The following RYR2 variants were observed in gnomAD, a reference collection of about 807,000 sequenced individuals.
RYR2 encodes the protein ryanodine receptor 2.
Under a neutral mutation model 601.1 loss-of-function variants are expected in RYR2, and 227 were observed. That is an observed-to-expected ratio of 0.38 (90% CI 0.34 to 0.42). The LOEUF (loss-of-function observed/expected upper bound fraction) is 0.42, where lower values mean the gene tolerates loss of function less well. Ranked by LOEUF, RYR2 falls within the 10% of genes least tolerant of loss-of-function variation. The probability of loss-of-function intolerance (pLI) is 1.00; values close to 1 mark genes in which losing one functional copy is unlikely to be tolerated. For missense variants in RYR2, 4,646 were observed against 6,156.5 expected (o/e 0.75, Z 8.21); for synonymous variants, 2,223 against 2,175.1 (o/e 1.02, Z -0.61).
Position 237,660,440 on chromosome 1 carries a change from T to G in RYR2, c.8298+366T>G, listed in dbSNP as rs567841832. Among the ~76,000 whole-genome samples, 9 of 152,270 alleles carry G rather than the reference T, an allele frequency of 5.9e-5. 1 individual carries two copies. In the South Asian group the frequency reaches 1.9e-3, roughly 32 times the overall value. On this transcript the variant is annotated intron_variant, in intron 55 of 104. Coordinates refer to ENST00000366574, the MANE Select transcript of RYR2 (RefSeq NM_001035.3). ...ATGTATAGATTTTCATATATTTTAC[T>G]TCTTTGGGAAAGAAATGAGTATCTT...
rs549693114 is a variant in RYR2 at position 237,631,773 on chromosome 1, G to A, written c.6555+232G>A. ...CTCCCGAGGAGCTGGGATTAGAGGC[G>A]CCCGCCACCTCGCCCGGCTAATTTT... is the stretch of plus-strand genomic sequence containing the variant. On this transcript the variant is annotated intron_variant, in intron 42 of 104. Coordinates refer to ENST00000366574, the MANE Select transcript of RYR2 (RefSeq NM_001035.3). Among the ~76,000 whole-genome samples the A allele has an allele frequency of 8.6e-5, 13 of 151,426 alleles. No individual in the cohort carries two copies. The South Asian group carries it at 1.0e-3, about 12-fold the overall frequency.
At chr1:237,598,879 A>T (rs1243133289) in intron 34 of RYR2, among the ~76,000 whole-genome samples, 3 of 152,154 alleles carry the variant, frequency 2.0e-5, no homozygotes, top group Admixed American at 1.3e-4. Context: ...GAAAAGACAA[A>T]ATCAGTAAAC....
At chr1:237,702,652 A>C (rs1323518500) in intron 66 of RYR2, among the ~76,000 whole-genome samples, 1 of 152,104 alleles carries the variant, frequency 6.6e-6, no homozygotes, top group African/African-American at 2.4e-5. Context: ...CCCAAAATTA[A>C]CCTGTAATTA....
intron 4 of RYR2, among the ~76,000 whole-genome samples, chr1:237,357,008 GC>G: frequency 6.6e-6 from 1 of 151,914 alleles, no homozygotes; most frequent in African/African-American, 2.4e-5. Context: ...TCTTTTCAGT[GC>G]CCTTTCAGTA....
intron 81 of RYR2, among the ~76,000 whole-genome samples, chr1:237,757,390 A>C (rs552142369): frequency 6.6e-6 from 1 of 152,314 alleles, no homozygotes; most frequent in Non-Finnish European, 1.5e-5. Flanking sequence ...ACACATAATT[A>C]ATCTTGAATC....
At chr1:237,687,401 TTCTACC>T in intron 62 of RYR2, 48 bp from the exon 63 acceptor site, 2 of 962,852 alleles carry the variant, frequency 2.1e-6, no homozygotes, top group Non-Finnish European at 1.6e-6. Flanking sequence ...CCCCTGTCTT[TTCTACC>T]TTCCCTTCCC....
At chr1:237,203,821 C>T (rs1681468207) in intron 1 of RYR2, among the ~76,000 whole-genome samples, 1 of 152,190 alleles carries the variant, frequency 6.6e-6, no homozygotes. Context: ...TCTCCATCCT[C>T]CTAGAACGTT....
At chr1:237,066,528 T>C (rs751935812) in intron 1 of RYR2, among the ~76,000 whole-genome samples, 10 of 152,254 alleles carry the variant, frequency 6.6e-5, no homozygotes, top group Non-Finnish European at 1.2e-4. Flanking sequence ...TTTTTAAATT[T>C]TAGCTGTTCT....
rs191365605 is a variant in RYR2 at position 237,261,357 on chromosome 1, A to G, written c.49-9140A>G. On this transcript the variant is annotated intron_variant, in intron 1 of 104. Coordinates refer to ENST00000366574, the MANE Select transcript of RYR2 (RefSeq NM_001035.3). The stretch of plus-strand genomic sequence containing the variant: ...CCCCAGTAAAATCCAAAGGTCTTAC[A>G]CTGACATCAAGGCTTTCCATGGTCT... 2.6e-3 allele frequency among the ~76,000 whole-genome samples: 392 copies of G among 152,314 alleles called. 4 individuals are homozygous for G. The highest frequency in any genetic ancestry group is 4.4e-3 in the Non-Finnish European group (300 of 68,028).
chr1:237,300,548 C>G (rs1693248328), intron 2 of RYR2, among the ~76,000 whole-genome samples: 1 of 152,164 alleles, frequency 6.6e-6, no homozygotes, highest in Non-Finnish European at 1.5e-5. Flanking sequence ...GAGTAAAGCT[C>G]TGCTCCAGTG....
chr1:237,750,205 C>T (rs1251060413), intron 80 of RYR2, among the ~76,000 whole-genome samples: 1 of 152,000 alleles, frequency 6.6e-6, no homozygotes, highest in Admixed American at 6.6e-5. Flanking sequence ...ACGTATCCCA[C>T]CTTTTCCTAG....
At chr1:237,361,183 C>T (rs1200012377) in intron 4 of RYR2, among the ~76,000 whole-genome samples, 1 of 152,152 alleles carries the variant, frequency 6.6e-6, no homozygotes, top group East Asian at 1.9e-4. Context: ...GCTTTTCAAC[C>T]TCATATGCTA....
In RYR2 at chr1:237,586,608, G is replaced by A. The variant is rs555663469; in HGVS notation, c.3599-3185G>A. On this transcript the variant is annotated intron_variant, in intron 29 of 104. Transcript: ENST00000366574. ...GTAATATCTGTCTGCCATCTTCTTA[G>A]ATGTTAACTCTTCTACAAAACCTTC... Among the ~76,000 whole-genome samples the A allele has an allele frequency of 9.9e-5, 15 of 152,274 alleles. No individual in the cohort carries two copies. The South Asian group carries it at 3.1e-3, about 32-fold the overall frequency.
intron 16 of RYR2, among the ~76,000 whole-genome samples, chr1:237,464,215 G>T (rs1368988612): frequency 6.6e-6 from 1 of 152,088 alleles, no homozygotes; most frequent in Non-Finnish European, 1.5e-5. Context: ...TAGTCAAAAG[G>T]CTTTCCTTTG....
intron 17 of RYR2, among the ~76,000 whole-genome samples, chr1:237,489,022 A>G (rs1383585275): frequency 6.6e-6 from 1 of 152,128 alleles, no homozygotes; most frequent in African/African-American, 2.4e-5. Flanking sequence ...TGTTAGAATC[A>G]CTCAACCCTG....
At chr1:237,148,523 A>C (rs866288848) in intron 1 of RYR2, among the ~76,000 whole-genome samples, 8 of 48,282 alleles carry the variant, frequency 1.7e-4, no homozygotes, top group African/African-American at 4.9e-4. Flanking sequence ...AGTAAAAAAA[A>C]AAAAATATAT....
intron 25 of RYR2, among the ~76,000 whole-genome samples, chr1:237,536,441 G>A (rs1008302823): frequency 1.3e-5 from 2 of 151,876 alleles, no homozygotes; most frequent in South Asian, 2.1e-4. Flanking sequence ...GTGGCCGGGC[G>A]TGGTGGCTCA....
intron 24 of RYR2, among the ~76,000 whole-genome samples, chr1:237,520,867 C>T (rs1033783158): frequency 1.3e-5 from 2 of 152,030 alleles, no homozygotes; most frequent in African/African-American, 4.8e-5. Context: ...GAAACCCCAA[C>T]TTTATTAAAA....
chr1:237,262,064 T>C (rs1688579620), intron 1 of RYR2, among the ~76,000 whole-genome samples: 1 of 152,068 alleles, frequency 6.6e-6, no homozygotes, highest in Admixed American at 6.6e-5. Context: ...AAATGATGAA[T>C]GACTATTTGA....
Sources: allele counts gnomAD v4.1 joint callset (sites outside exome capture counted in the v4.1 genomes callset), GRCh38; gene constraint gnomAD v4.1.1; transcripts MANE v1.5; gene names NCBI Gene and HGNC (gene_info 2026-07-23, HGNC 2026-07-21).